TNNI3K: variants seen among roughly 807,000 people sequenced by gnomAD.
The protein encoded by TNNI3K is serine/threonine-protein kinase TNNI3K.
TNNI3K carries 140 observed loss-of-function variants against 114.5 expected under a neutral mutation model. The observed-to-expected ratio is 1.22, with a 90% confidence interval of 1.07 to 1.41. The LOEUF is 1.41. TNNI3K is among the 40% of genes most tolerant of loss of function. TNNI3K has a pLI of 0.00. For synonymous variants in TNNI3K, 347 were observed against 347.5 expected (o/e 1.00, Z 0.02); for missense variants, 1,125 against 1,007.6 (o/e 1.12, Z -1.58).
intron 24 of TNNI3K, among the ~76,000 whole-genome samples, chr1:74,543,056 CTTTT>C (rs1646744672): frequency 3.4e-4 from 36 of 105,702 alleles, no homozygotes; most frequent in Admixed American, 1.8e-3. Context: ...TTTTCTTTTT[CTTTT>C]TCCCTTTTTT....
intron 17 of TNNI3K, among the ~76,000 whole-genome samples, chr1:74,411,244 C>A (rs966468676): frequency 2.0e-5 from 3 of 152,084 alleles, no homozygotes; most frequent in Non-Finnish European, 4.4e-5. Context: ...GGCTGTAAGG[C>A]CCCTGAACAG....
At chr1:74,455,185 C>T (rs1304354660) in intron 20 of TNNI3K, among the ~76,000 whole-genome samples, 2 of 152,180 alleles carry the variant, frequency 1.3e-5, no homozygotes, top group South Asian at 4.1e-4. Flanking sequence ...CTGGAAGGGC[C>T]TTTTACCCAA....
At chr1:74,339,294 A>G (rs1407719350) in intron 7 of TNNI3K, among the ~76,000 whole-genome samples, 1 of 152,168 alleles carries the variant, frequency 6.6e-6, no homozygotes, top group Non-Finnish European at 1.5e-5. Context: ...GGCGTGACTC[A>G]CATTTTTAAG....
intron 17 of TNNI3K, among the ~76,000 whole-genome samples, chr1:74,379,340 C>T (rs561964767): frequency 7.2e-5 from 10 of 139,134 alleles, no homozygotes; most frequent in African/African-American, 2.5e-4. Context: ...CGCGCGCACA[C>T]ACACACACAC....
At chr1:74,262,302 C>A (rs1368055294) in intron 4 of TNNI3K, among the ~76,000 whole-genome samples, 3 of 152,162 alleles carry the variant, frequency 2.0e-5, no homozygotes, top group Non-Finnish European at 4.4e-5. Context: ...TGAGAGCAGC[C>A]ACTTCCCTCA....
At chr1:74,508,559 A>G (rs1289777643) in intron 23 of TNNI3K, among the ~76,000 whole-genome samples, 2 of 152,232 alleles carry the variant, frequency 1.3e-5, no homozygotes, top group Non-Finnish European at 2.9e-5. Flanking sequence ...AGGGTTAAAA[A>G]ATAGCCCACA....
rs371205279 is a variant in TNNI3K, at chr1:74,428,876, A to G, written c.1773-7204A>G. ...CTTGAGCCCAGGAGTTCGAGGTTAC[A>G]GTGAGCTATGATCACACCACTGCAC... On this transcript the variant is annotated intron_variant, in intron 17 of 24. Coordinates refer to ENST00000326637, the MANE Select transcript of TNNI3K (RefSeq NM_015978.3). 3.4e-4 allele frequency among the ~76,000 whole-genome samples: 52 copies of G among 152,236 alleles called. No individual in the cohort carries two copies. The East Asian group carries it at 9.3e-3, about 27-fold the overall frequency.
intron 20 of TNNI3K, among the ~76,000 whole-genome samples, chr1:74,445,612 C>T (rs1411533141): frequency 0.02 from 2,665 of 131,094 alleles, 187 homozygotes; most frequent in African/African-American, 0.078. Context: ...TCTTTTTTTT[C>T]TTTTTTTCTT....
intron 23 of TNNI3K, among the ~76,000 whole-genome samples, chr1:74,513,076 GGGATT>G (rs1483637687): frequency 6.6e-6 from 1 of 152,130 alleles, no homozygotes; most frequent in East Asian, 1.9e-4. Context: ...ACAAAGTCAA[GGGATT>G]CTGTTGTTAG....
chr1:74,476,628 C>T (rs1228285577), intron 21 of TNNI3K, among the ~76,000 whole-genome samples: 1 of 151,988 alleles, frequency 6.6e-6, no homozygotes, highest in Non-Finnish European at 1.5e-5. Flanking sequence ...ATAATGAAAT[C>T]ATTGGTGATC....
At chr1:74,243,443 C>A (rs1654370471) in intron 2 of TNNI3K, among the ~76,000 whole-genome samples, 1 of 152,140 alleles carries the variant, frequency 6.6e-6, no homozygotes, top group Admixed American at 6.5e-5. Flanking sequence ...CATAAAAAAT[C>A]CTTACCTTCT....
At chr1:74,421,514 A>G (rs923032360) in intron 17 of TNNI3K, among the ~76,000 whole-genome samples, 27 of 152,146 alleles carry the variant, frequency 1.8e-4, no homozygotes, top group African/African-American at 6.0e-4. Context: ...AAGAAAAGCT[A>G]TTTATTGGTA....
intron 5 of TNNI3K, among the ~76,000 whole-genome samples, chr1:74,307,266 T>C (rs1658700073): frequency 6.6e-6 from 1 of 152,150 alleles, no homozygotes; most frequent in Admixed American, 6.5e-5. Flanking sequence ...AGGAACAAAG[T>C]CTTACATATC....
chr1:74,437,178 T>C (rs1412168080), intron 19 of TNNI3K, among the ~76,000 whole-genome samples: 1 of 152,066 alleles, frequency 6.6e-6, no homozygotes, highest in Non-Finnish European at 1.5e-5. Context: ...TCAGTCACCT[T>C]TTCTGGATGT....
At chr1:74,312,254 T>G (rs1432792944) in intron 5 of TNNI3K, among the ~76,000 whole-genome samples, 2 of 152,216 alleles carry the variant, frequency 1.3e-5, no homozygotes, top group Non-Finnish European at 2.9e-5. Context: ...CAGTCTCATT[T>G]GTTAAAAGCA....
intron 7 of TNNI3K, among the ~76,000 whole-genome samples, chr1:74,342,233 C>T (rs1459698472): frequency 6.6e-6 from 1 of 152,116 alleles, no homozygotes; most frequent in Non-Finnish European, 1.5e-5. Flanking sequence ...ATGTCTACTA[C>T]TGAATGAAGA....
intron 4 of TNNI3K, among the ~76,000 whole-genome samples, chr1:74,271,381 G>A (rs1656336143): frequency 6.6e-6 from 1 of 151,818 alleles, no homozygotes; most frequent in African/African-American, 2.4e-5. Flanking sequence ...AGCGGTAGAG[G>A]ATTGATTAGA....
At chr1:74,331,350 G>T (rs1039941558) in intron 5 of TNNI3K, 100 bp from the exon 6 acceptor site, 33 of 1,221,648 alleles carry the variant, frequency 2.7e-5, no homozygotes, top group Non-Finnish European at 3.5e-5. Context: ...TTTTAGGGTG[G>T]CAACTCCTGA....
intron 4 of TNNI3K, among the ~76,000 whole-genome samples, chr1:74,254,253 T>C (rs1196739084): frequency 1.3e-5 from 2 of 152,160 alleles, no homozygotes; most frequent in African/African-American, 4.8e-5. Context: ...AAAATTCACT[T>C]ACATAACTCC....
Sources: gnomAD v4.1 joint callset for allele counts (sites outside exome capture counted in the v4.1 genomes callset) on GRCh38, gnomAD v4.1.1 for gene constraint, MANE v1.5 for transcripts, NCBI Gene and HGNC (gene_info 2026-07-23, HGNC 2026-07-21) for gene names.